The following MECOM variants were observed in gnomAD, a reference collection of about 807,000 sequenced individuals.
MECOM encodes MDS1 and EVI1 complex locus, also known as histone-lysine N-methyltransferase MECOM.
In MECOM, 13 loss-of-function variants were observed where a neutral mutation model predicts 116.3. That is an observed-to-expected ratio of 0.11 (90% confidence interval 0.07 to 0.18). The LOEUF (loss-of-function observed/expected upper bound fraction) is 0.18. Ranked by LOEUF, MECOM falls within the 10% of genes least tolerant of loss-of-function variation. MECOM has a pLI of 1.00. For missense variants in MECOM, 1,299 were observed against 1,509.0 expected, an observed-to-expected ratio of 0.86 and a Z score of 2.31; for synonymous variants, 528 against 535.2, an observed-to-expected ratio of 0.99 and a Z score of 0.19.
Position 169,116,355 on chromosome 3 carries a change from A to T in MECOM, c.1517T>A (p.Ile506Lys), listed in dbSNP as rs1317217252. 3.1e-6 allele frequency: 5 copies of T among 1,614,222 alleles called. No homozygotes were observed. In the South Asian group the frequency reaches 5.5e-5, roughly 18 times the overall value. ...TCCTTTAACAGGAGAACTAGCAGGT[A>T]TCAAAGGAGGCCTGTGGTACAAGCC... The part of the protein sequence containing the change: ...PSGLYHRPPL[I>K]PASSPVKGLS... The change falls in exon 8 of 17, where the codon ATA becomes AAA. Residue 506 changes from isoleucine to lysine, a missense_variant. Ile to Lys is a moderately radical substitution (Grantham distance 102). Transcript: ENST00000651503.
intron 1 of MECOM, among the ~76,000 whole-genome samples, chr3:169,607,724 A>G (rs912672158): frequency 6.6e-6 from 1 of 152,262 alleles, no homozygotes; most frequent in Non-Finnish European, 1.5e-5. Context: ...GCATTACTGA[A>G]TCCTGCTATA....
chr3:169,535,131 C>T (rs1319282374), intron 1 of MECOM, among the ~76,000 whole-genome samples: 2 of 152,170 alleles, frequency 1.3e-5, no homozygotes, highest in African/African-American at 4.8e-5. Context: ...ATCTAAGCCG[C>T]TGCCAGCCTG....
chr3:169,242,047 C>T (rs907853993), intron 2 of MECOM, among the ~76,000 whole-genome samples: 1 of 152,182 alleles, frequency 6.6e-6, no homozygotes, highest in Non-Finnish European at 1.5e-5. Flanking sequence ...TGTCGGCTAA[C>T]TGAGCAGTGT....
chr3:169,147,556 A>G, intron 2 of MECOM: 2 of 985,478 alleles, frequency 2.0e-6, no homozygotes, highest in Non-Finnish European at 2.4e-6. Flanking sequence ...AAAGGTCGCC[A>G]AGACCCAAGT....
At chr3:169,542,897 C>T (rs975781994) in intron 1 of MECOM, among the ~76,000 whole-genome samples, 10 of 152,296 alleles carry the variant, frequency 6.6e-5, no homozygotes, top group South Asian at 2.1e-4. Context: ...ATAAACCACA[C>T]GCAAGCCATA....
At chr3:169,277,947 T>A (rs1444410954) in intron 2 of MECOM, among the ~76,000 whole-genome samples, 1 of 152,200 alleles carries the variant, frequency 6.6e-6, no homozygotes, top group African/African-American at 2.4e-5. Context: ...GAGTTTTCTT[T>A]CCTAACCCTG....
chr3:169,178,045 C>A (rs111347679), intron 2 of MECOM, among the ~76,000 whole-genome samples: 7 of 152,260 alleles, frequency 4.6e-5, no homozygotes, highest in African/African-American at 1.4e-4. Flanking sequence ...GTAGTTAATA[C>A]ATTTCAGGAG....
At chr3:169,239,470 T>A (rs1754505648) in intron 2 of MECOM, among the ~76,000 whole-genome samples, 1 of 151,880 alleles carries the variant, frequency 6.6e-6, no homozygotes, top group African/African-American at 2.4e-5. Flanking sequence ...GTAATAGCTA[T>A]CAAAAAGAAA....
rs150946844 is a variant in MECOM, at chr3:169,499,209, G to T, written c.38-117685C>A. ...GCTAAGTTTTCCAGAATTAATAAAA[G>T]ACATGAGCACTAGAAACAGTCACAA... On this transcript the variant is annotated intron_variant, in intron 1 of 16. Transcript: ENST00000651503. Among the ~76,000 whole-genome samples, 341 of 151,442 alleles carry T rather than the reference G, an allele frequency of 2.3e-3. 2 individuals are homozygous for T. The highest frequency in any genetic ancestry group is 8.0e-3 in the African/African-American group (329 of 41,342).
chr3:169,122,023 T>C (rs1368020769), intron 6 of MECOM, among the ~76,000 whole-genome samples: 2 of 152,210 alleles, frequency 1.3e-5, no homozygotes, highest in African/African-American at 4.8e-5. Flanking sequence ...ACTTTTACCA[T>C]AGTTCACAGT....
In MECOM at chr3:169,215,176, G is replaced by GA. The variant is rs528181635; in HGVS notation, c.376-71345dup. ...AAAGTAAAGAACAAAACACTAATGTGAAAAAAAAAGCCTTATGAAGTATTT... is the reference window on the plus strand; with the variant it reads ...AAAGTAAAGAACAAAACACTAATGTGAAAAAAAAAAGCCTTATGAAGTATTT... On this transcript the variant is annotated intron_variant, in intron 2 of 16. Coordinates refer to ENST00000651503, the MANE Select transcript of MECOM (RefSeq NM_004991.4). Among the ~76,000 whole-genome samples, 28 of 140,370 alleles carry GA rather than the reference G, an allele frequency of 2.0e-4. No individual in the cohort carries two copies. In the South Asian group the frequency reaches 3.4e-3, roughly 17 times the overall value. 92.1% of individuals were successfully genotyped at this position (140,370 alleles called of 152,430 possible). A position where few individuals can be genotyped will look rare whatever the true frequency, so the allele number is the denominator to read the frequency against.
At chr3:169,481,318 C>T (rs960678736) in intron 1 of MECOM, among the ~76,000 whole-genome samples, 10 of 152,040 alleles carry the variant, frequency 6.6e-5, no homozygotes, top group Admixed American at 2.6e-4. Context: ...TTTGGGAGGA[C>T]GAGGCGGGTG....
intron 2 of MECOM, among the ~76,000 whole-genome samples, chr3:169,158,562 G>A (rs1742350292): frequency 1.3e-5 from 2 of 152,058 alleles, no homozygotes; most frequent in African/African-American, 4.8e-5. Context: ...GTGACTCTCG[G>A]GTTTAAAGAT....
chr3:169,264,863 G>T (rs2149628615), intron 2 of MECOM, among the ~76,000 whole-genome samples: 1 of 152,264 alleles, frequency 6.6e-6, no homozygotes, highest in African/African-American at 2.4e-5. Context: ...TCCACAAACT[G>T]CTGTTCAGGC....
chr3:169,583,508 C>G (rs994931345), intron 1 of MECOM, among the ~76,000 whole-genome samples: 3 of 152,076 alleles, frequency 2.0e-5, no homozygotes, highest in Non-Finnish European at 2.9e-5. Context: ...GTAGAACTGC[C>G]CATCACATTC....
At chr3:169,208,297 A>G (rs1452826082) in intron 2 of MECOM, among the ~76,000 whole-genome samples, 2 of 148,340 alleles carry the variant, frequency 1.3e-5, no homozygotes, top group Non-Finnish European at 3.0e-5. Context: ...TACATTATAT[A>G]TACATTATAT....
intron 1 of MECOM, among the ~76,000 whole-genome samples, chr3:169,440,423 G>A (rs1384438287): frequency 6.6e-6 from 1 of 152,074 alleles, no homozygotes; most frequent in Admixed American, 6.5e-5. Context: ...AGCCTTGAAA[G>A]ATGAGTAAAA....
At chr3:169,341,463 C>T (rs891139176) in intron 2 of MECOM, among the ~76,000 whole-genome samples, 9 of 149,748 alleles carry the variant, frequency 6.0e-5, no homozygotes, top group East Asian at 2.0e-4. Flanking sequence ...CAGAAGGGGC[C>T]GAGCGCGGTG....
intron 2 of MECOM, among the ~76,000 whole-genome samples, chr3:169,330,663 GT>G (rs768941480): frequency 6.6e-6 from 1 of 151,726 alleles, no homozygotes; most frequent in African/African-American, 2.4e-5. Flanking sequence ...GTTTTCTTGT[GT>G]TTTTTTATAA....
Sources: allele counts gnomAD v4.1 joint callset (sites outside exome capture counted in the v4.1 genomes callset), GRCh38; gene constraint gnomAD v4.1.1; transcripts MANE v1.5; gene names NCBI Gene and HGNC (gene_info 2026-07-23, HGNC 2026-07-21).